Variants in RAB3GAP2 observed in about 807,000 individuals in gnomAD.
RAB3GAP2 encodes rab3 GTPase-activating protein non-catalytic subunit.
A neutral mutation model predicts 185.3 loss-of-function variants in RAB3GAP2; 87 were observed. The observed-to-expected ratio is 0.47, with a 90% confidence interval of 0.39 to 0.56. The LOEUF (loss-of-function observed/expected upper bound fraction) is 0.56. RAB3GAP2 is among the 20% of genes least tolerant of loss of function. The pLI, the probability that RAB3GAP2 is intolerant of heterozygous loss-of-function variation, is 0.00. For missense variants in RAB3GAP2, 1,492 were observed against 1,638.2 expected, an observed-to-expected ratio of 0.91 and a Z score of 1.54; for synonymous variants, 554 against 576.1, an observed-to-expected ratio of 0.96 and a Z score of 0.55.
Position 220,164,734 on chromosome 1 carries a change from A to G in RAB3GAP2, c.3153T>C (p.Asn1051=). The G allele has an allele frequency of 6.2e-7, 1 of 1,603,838 alleles. No individual in the cohort carries two copies. The highest frequency in any genetic ancestry group is 8.5e-7 in the Non-Finnish European group (1 of 1,173,438). The change falls in exon 27 of 35, where the codon AAT becomes AAC. Residue 1051 remains asparagine (N), a splice_region_variant and synonymous_variant. Coordinates refer to ENST00000358951, the MANE Select transcript of RAB3GAP2 (RefSeq NM_012414.4). ...LKQIFNAHVQ[N]GIALMMWNTF... is the part of the protein sequence containing the mutation. ...TGTTTCTAACATCTGTTTACTTACC[A>G]TTTTGAACATGTGCATTAAATATTT...
At chr1:220,191,325 G>C (rs1558150089) in intron 13 of RAB3GAP2, 41 bp from the exon 14 acceptor site, 1 of 1,180,552 alleles carries the variant, frequency 8.5e-7, no homozygotes. Flanking sequence ...ACTTAATCTA[G>C]GTTCCATAGT....
chr1:220,245,596 C>T (rs566824400), intron 1 of RAB3GAP2, among the ~76,000 whole-genome samples: 4 of 152,082 alleles, frequency 2.6e-5, no homozygotes, highest in Admixed American at 6.5e-5. Context: ...GGGGGAGGGG[C>T]GCCCGCCATT....
rs1269618198 is a variant in RAB3GAP2 at position 220,199,501 on chromosome 1, G to A, written c.811+2775C>T. On this transcript the variant is annotated intron_variant, in intron 9 of 34. Transcript: ENST00000358951. Reference sequence around the variant, plus strand: ...ATCCAATGGACCTTCTTCTTTTCTTGAACTCTACGAAACATTCCACAGTAA... The same window carrying A: ...ATCCAATGGACCTTCTTCTTTTCTTAAACTCTACGAAACATTCCACAGTAA... Among the ~76,000 whole-genome samples the A allele has an allele frequency of 2.0e-5, 3 of 151,968 alleles. No homozygotes were observed. The East Asian group carries it at 5.8e-4, about 29-fold the overall frequency.
At chr1:220,155,464 T>C (rs2102850968) in intron 31 of RAB3GAP2, among the ~76,000 whole-genome samples, 1 of 152,340 alleles carries the variant, frequency 6.6e-6, no homozygotes, top group Admixed American at 6.5e-5. Flanking sequence ...AGATTTAGCA[T>C]ACACTCACAA....
intron 12 of RAB3GAP2, among the ~76,000 whole-genome samples, chr1:220,194,345 C>A (rs995247408): frequency 6.6e-6 from 1 of 151,690 alleles, no homozygotes; most frequent in East Asian, 1.9e-4. Context: ...CAAGGAAGCA[C>A]AGGACAGGAG....
intron 2 of RAB3GAP2, among the ~76,000 whole-genome samples, chr1:220,231,751 C>T (rs7526460): frequency 0.24 from 35,862 of 152,134 alleles, 4,536 homozygotes; most frequent in East Asian, 0.34. Flanking sequence ...GAAAGTAGCT[C>T]CCTAACTCCT....
chr1:220,191,328 T>A lies in RAB3GAP2; in HGVS notation c.1271-44A>T, dbSNP rs374501639. 341 of 1,050,756 alleles carry A rather than the reference T, an allele frequency of 3.2e-4. 2 individuals carry two copies. In the African/African-American group the frequency reaches 6.1e-3, roughly 19 times the overall value. 65.1% of individuals were successfully genotyped at this position (1,050,756 alleles called of 1,614,324 possible). Reference sequence around the variant, plus strand: ...GGGAAGTTAATTACTTAATCTAGGTTCCATAGTAGCCTCCTGAAGTACTCT... The same window carrying A: ...GGGAAGTTAATTACTTAATCTAGGTACCATAGTAGCCTCCTGAAGTACTCT... On this transcript the variant is annotated intron_variant, in intron 13 of 34. Transcript: ENST00000358951.
rs918026992 is a variant in RAB3GAP2 at position 220,202,411 on chromosome 1, T to C, written c.713-37A>G. On this transcript the variant is annotated intron_variant, in intron 8 of 34. Transcript: ENST00000358951. ...AAAATAAGACAATCCAAACTTATTA[T>C]GGATAAAATGAAGTTTTACAAAAAA... 27 of 1,591,318 alleles carry C rather than the reference T, an allele frequency of 1.7e-5. No homozygotes were observed. In the African/African-American group the frequency reaches 1.7e-4, roughly 10 times the overall value.
At chr1:220,171,847 A>G in intron 23 of RAB3GAP2, 42 bp downstream of exon 23, 1 of 1,612,926 alleles carries the variant, frequency 6.2e-7, no homozygotes, top group Middle Eastern at 1.7e-4. Flanking sequence ...CCCTTAGCCT[A>G]CTGGATGTGT....
intron 1 of RAB3GAP2, among the ~76,000 whole-genome samples, chr1:220,238,126 G>A (rs1030306606): frequency 2.0e-5 from 3 of 152,180 alleles, no homozygotes; most frequent in East Asian, 1.9e-4. Context: ...CTGCAGCCTC[G>A]ATCTCCTAGG....
rs547883858 is a variant in RAB3GAP2, at chr1:220,171,615, G to A, written c.2577+274C>T. ...ATTTAGGTGTCTCATCCAAATTAAC[G>A]TTAACACCCCCTGGAAAAAATTATT... On this transcript the variant is annotated intron_variant, in intron 23 of 34. Transcript: ENST00000358951. 7.9e-5 allele frequency among the ~76,000 whole-genome samples: 12 copies of A among 152,138 alleles called. No individual in the cohort carries two copies. The South Asian group carries it at 1.5e-3, about 18-fold the overall frequency.
chr1:220,152,038 G>A (rs1389472624), intron 33 of RAB3GAP2, among the ~76,000 whole-genome samples: 2 of 151,972 alleles, frequency 1.3e-5, no homozygotes, highest in Admixed American at 6.6e-5. Context: ...CAAATAAAAG[G>A]AGTTTCATGT....
intron 17 of RAB3GAP2, among the ~76,000 whole-genome samples, chr1:220,188,719 G>GA (rs1477468648): frequency 6.6e-6 from 1 of 152,146 alleles, no homozygotes; most frequent in Non-Finnish European, 1.5e-5. Context: ...TTGCATATGT[G>GA]AATGAGGAAA....
At chr1:220,266,520 T>C (rs1321804726) in intron 1 of RAB3GAP2, 1 of 628,492 alleles carries the variant, frequency 1.6e-6, no homozygotes, top group African/African-American at 1.8e-5. Flanking sequence ...CTTCAGAGTG[T>C]CATGTTTATT....
In RAB3GAP2 at chr1:220,210,444, G is replaced by A; in HGVS notation, c.556C>T (p.Leu186Phe). 1 of 1,614,124 alleles carries A rather than the reference G, an allele frequency of 6.2e-7. No homozygotes were observed. Among genetic ancestry groups the A allele is most frequent in the Non-Finnish European group, 8.5e-7 (1 of 1,179,978 alleles). ...LAQLLNEDPVLQLKCRTYEIP... is the reference protein window; with the variant it reads ...LAQLLNEDPVFQLKCRTYEIP... ...TCATAGGTTCTGCATTTAAGTTGAA[G>A]TACTGGGTCCTCATTCAAAAGCTGT... Residue 186 changes from leucine (L) to phenylalanine (F), a missense_variant, in exon 7 of 35, where the codon CTT (leucine) becomes TTT (phenylalanine). By Grantham distance (22) the Leu-to-Phe change is conservative. This residue lies in a region of RAB3GAP2 where 243 missense variants were observed against 314.8 expected (regional missense o/e 0.77). Coordinates refer to ENST00000358951, the MANE Select transcript of RAB3GAP2 (RefSeq NM_012414.4).
intron 26 of RAB3GAP2, among the ~76,000 whole-genome samples, chr1:220,166,188 A>G (rs1658057752): frequency 6.6e-6 from 1 of 152,208 alleles, no homozygotes; most frequent in South Asian, 2.1e-4. Context: ...AATTGATCAA[A>G]GACTATTCCT....
chr1:220,173,259 A>G (rs1331064985), intron 21 of RAB3GAP2, among the ~76,000 whole-genome samples: 1 of 152,230 alleles, frequency 6.6e-6, no homozygotes, highest in Non-Finnish European at 1.5e-5. Flanking sequence ...TTAAACCAAA[A>G]AACTTAAGTC....
intron 13 of RAB3GAP2, among the ~76,000 whole-genome samples, chr1:220,191,692 C>T (rs1212149321): frequency 6.6e-6 from 1 of 151,996 alleles, no homozygotes; most frequent in Non-Finnish European, 1.5e-5. Flanking sequence ...GCGGCGCATG[C>T]CTGTAATCCC....
In RAB3GAP2 at chr1:220,225,785, G is replaced by C. The variant is rs138174615; in HGVS notation, c.180+7014C>G. 2.1e-3 allele frequency among the ~76,000 whole-genome samples: 318 copies of C among 152,318 alleles called. 4 individuals carry two copies. The highest frequency in any genetic ancestry group is 7.5e-3 in the African/African-American group (311 of 41,570). On this transcript the variant is annotated intron_variant, in intron 2 of 34. Coordinates refer to ENST00000358951, the MANE Select transcript of RAB3GAP2 (RefSeq NM_012414.4). ...CCTAGGGCATATCCTTATGGTGTAAGTGTTCTTCTTCCGCCTCTGGTCAGT... is the reference window on the plus strand; with the variant it reads ...CCTAGGGCATATCCTTATGGTGTAACTGTTCTTCTTCCGCCTCTGGTCAGT...
Sources: gnomAD v4.1 joint callset for allele counts (sites outside exome capture counted in the v4.1 genomes callset) on GRCh38, gnomAD v4.1.1 for gene constraint, gnomAD v4.1.1 regional missense constraint, MANE v1.5 for transcripts, NCBI Gene and HGNC (gene_info 2026-07-23, HGNC 2026-07-21) for gene names.